DLGAP2: variants seen among roughly 807,000 people sequenced by gnomAD.
The protein encoded by DLGAP2 is disks large-associated protein 2.
A neutral mutation model predicts 100.3 loss-of-function variants in DLGAP2; 26 were observed. That is an observed-to-expected ratio of 0.26 (90% CI 0.19 to 0.36). DLGAP2 has a LOEUF of 0.36. DLGAP2 is among the 10% of genes least tolerant of loss of function. The pLI is 1.00. For synonymous variants in DLGAP2, 886 were observed against 630.1 expected (o/e 1.41, Z -6.08); for missense variants, 1,858 against 1,453.2 (o/e 1.28, Z -4.53).
At chr8:945,046 G>A (rs1313571277) in intron 2 of DLGAP2, among the ~76,000 whole-genome samples, 1 of 152,198 alleles carries the variant, frequency 6.6e-6, no homozygotes, top group Non-Finnish European at 1.5e-5. Context: ...CAAGAGCAAA[G>A]TTCTTTCCAC....
chr8:833,784 A>G (rs1232503558), intron 1 of DLGAP2, among the ~76,000 whole-genome samples: 1 of 152,142 alleles, frequency 6.6e-6, no homozygotes, highest in African/African-American at 2.4e-5. Flanking sequence ...ATCTTTAGAG[A>G]TTTTTTACCA....
At chr8:1,229,286 A>G (rs1439776681) in intron 2 of DLGAP2, among the ~76,000 whole-genome samples, 2 of 149,190 alleles carry the variant, frequency 1.3e-5, no homozygotes, top group South Asian at 2.1e-4. Context: ...TTTTTTTTGG[A>G]ATAGTTTTAG....
At chr8:1,459,868 TAG>T in intron 3 of DLGAP2, among the ~76,000 whole-genome samples, 1 of 152,190 alleles carries the variant, frequency 6.6e-6, no homozygotes, top group East Asian at 1.9e-4. Flanking sequence ...GTGTTTTTAG[TAG>T]AGACAGGGTT....
At chr8:893,567 C>A (rs1315932893) in intron 1 of DLGAP2, among the ~76,000 whole-genome samples, 1 of 152,342 alleles carries the variant, frequency 6.6e-6, no homozygotes, top group Non-Finnish European at 1.5e-5. Flanking sequence ...TGAAGCTGCC[C>A]TTCCATCCAG....
At chr8:922,007 C>T (rs376666030) in intron 2 of DLGAP2, among the ~76,000 whole-genome samples, 2 of 152,232 alleles carry the variant, frequency 1.3e-5, no homozygotes, top group East Asian at 3.8e-4. Context: ...CTGGGTGGGA[C>T]ACAGGTGTGT....
intron 1 of DLGAP2, among the ~76,000 whole-genome samples, chr8:766,594 C>G (rs985432667): frequency 2.0e-5 from 3 of 152,176 alleles, no homozygotes; most frequent in Non-Finnish European, 4.4e-5. Flanking sequence ...ATTCCACCAG[C>G]ATTTCTCTCT....
At chr8:1,495,846 T>A (rs1471529553) in intron 3 of DLGAP2, among the ~76,000 whole-genome samples, 1 of 152,118 alleles carries the variant, frequency 6.6e-6, no homozygotes, top group Non-Finnish European at 1.5e-5. Context: ...ATCTCTATGT[T>A]AAATAGCGCG....
chr8:1,329,214 C>A (rs1026861565), intron 3 of DLGAP2, among the ~76,000 whole-genome samples: 4 of 152,174 alleles, frequency 2.6e-5, no homozygotes, highest in Non-Finnish European at 4.4e-5. Flanking sequence ...AAAACAATGT[C>A]TTTTAGTCAG....
At chr8:1,533,300 C>T (rs1801046133) in intron 4 of DLGAP2, among the ~76,000 whole-genome samples, 1 of 151,962 alleles carries the variant, frequency 6.6e-6, no homozygotes, top group Non-Finnish European at 1.5e-5. Flanking sequence ...AGATCAAGAT[C>T]ATCCTGGCTA....
At chr8:1,314,902 T>C (rs1800695031) in intron 3 of DLGAP2, among the ~76,000 whole-genome samples, 2 of 152,232 alleles carry the variant, frequency 1.3e-5, no homozygotes, top group African/African-American at 2.4e-5. Flanking sequence ...AAATACTACA[T>C]GTTTCCTTTT....
At chr8:1,443,773 T>C (rs893560174) in intron 3 of DLGAP2, among the ~76,000 whole-genome samples, 1 of 152,186 alleles carries the variant, frequency 6.6e-6, no homozygotes. Context: ...GATTCAATTA[T>C]CTCCACCTGG....
chr8:1,296,425 C>G (rs2116980997), intron 3 of DLGAP2, among the ~76,000 whole-genome samples: 1 of 152,240 alleles, frequency 6.6e-6, no homozygotes, highest in Non-Finnish European at 1.5e-5. Context: ...CATGATTATC[C>G]AGATCCAAGG....
intron 8 of DLGAP2, among the ~76,000 whole-genome samples, chr8:1,653,761 C>T (rs529779114): frequency 1.3e-5 from 2 of 152,086 alleles, no homozygotes; most frequent in Admixed American, 6.5e-5. Context: ...ATTAGGGTCA[C>T]CTTAAGATTG....
At chr8:1,363,712 A>G (rs1391887455) in intron 3 of DLGAP2, among the ~76,000 whole-genome samples, 1 of 152,180 alleles carries the variant, frequency 6.6e-6, no homozygotes, top group Admixed American at 6.5e-5. Flanking sequence ...AGAGAAGGAA[A>G]GAGAACCCGA....
chr8:813,936 A>G (rs912051354), intron 1 of DLGAP2, among the ~76,000 whole-genome samples: 1 of 152,190 alleles, frequency 6.6e-6, no homozygotes, highest in South Asian at 2.1e-4. Context: ...GGATGAATAG[A>G]TGATAAAAAG....
intron 2 of DLGAP2, among the ~76,000 whole-genome samples, chr8:1,049,059 C>T (rs973458839): frequency 1.3e-5 from 2 of 152,210 alleles, no homozygotes; most frequent in Non-Finnish European, 2.9e-5. Flanking sequence ...CTGTCATTGA[C>T]CAGTTACTTC....
intron 2 of DLGAP2, among the ~76,000 whole-genome samples, chr8:1,222,429 C>T (rs1798333159): frequency 6.6e-6 from 1 of 152,080 alleles, no homozygotes; most frequent in Non-Finnish European, 1.5e-5. Context: ...GTTCTCTGGC[C>T]CCTCAAGTTT....
chr8:1,676,084 T>C (rs1353351644), intron 10 of DLGAP2, among the ~76,000 whole-genome samples: 2 of 152,216 alleles, frequency 1.3e-5, no homozygotes, highest in Non-Finnish European at 2.9e-5. Flanking sequence ...AGTGCTGAAA[T>C]TCCTTTCTGT....
chr8:825,227 A>G (rs6420233), intron 1 of DLGAP2, among the ~76,000 whole-genome samples: 1 of 152,170 alleles, frequency 6.6e-6, no homozygotes, highest in Non-Finnish European at 1.5e-5. Flanking sequence ...ACGCCTGAGA[A>G]CCAAGTACCT....
Sources: allele counts gnomAD v4.1 joint callset (sites outside exome capture counted in the v4.1 genomes callset), GRCh38; gene constraint gnomAD v4.1.1; transcripts MANE v1.5; gene names NCBI Gene and HGNC (gene_info 2026-07-23, HGNC 2026-07-21).